TMEM132D: variants seen among roughly 807,000 people sequenced by gnomAD.
The protein encoded by TMEM132D is mature OL transmembrane protein.
TMEM132D carries 21 observed loss-of-function variants against 62.3 expected under a neutral mutation model. That is an observed-to-expected ratio of 0.34 (90% CI 0.24 to 0.49). The LOEUF (loss-of-function observed/expected upper bound fraction) is 0.49, where lower values mean the gene tolerates loss of function less well. Among genes scored for constraint, TMEM132D ranks in the 20% least tolerant of loss-of-function variants. TMEM132D has a pLI of 0.99. For missense variants in TMEM132D, 1,346 were observed against 1,402.8 expected (o/e 0.96, Z 0.65); for synonymous variants, 621 against 575.6 (o/e 1.08, Z -1.13).
chr12:129,165,912 C>T (rs909331074), intron 5 of TMEM132D, among the ~76,000 whole-genome samples: 1 of 152,218 alleles, frequency 6.6e-6, no homozygotes, highest in Non-Finnish European at 1.5e-5. Context: ...ATAATAGTGG[C>T]TATTCACGTG....
intron 3 of TMEM132D, among the ~76,000 whole-genome samples, chr12:129,355,398 C>T (rs1032079242): frequency 2.7e-5 from 4 of 147,730 alleles, no homozygotes; most frequent in African/African-American, 5.0e-5. Flanking sequence ...TGGGTGCCAG[C>T]GCCTGTGTGA....
At chr12:129,463,809 A>C (rs1221608917) in intron 3 of TMEM132D, among the ~76,000 whole-genome samples, 10 of 152,080 alleles carry the variant, frequency 6.6e-5, no homozygotes, top group Admixed American at 1.3e-4. Context: ...TAAACTCATC[A>C]TTTTTTATGG....
chr12:129,104,240 T>A (rs867825592), intron 5 of TMEM132D, among the ~76,000 whole-genome samples: 2 of 151,452 alleles, frequency 1.3e-5, no homozygotes, highest in Admixed American at 1.3e-4. Flanking sequence ...TAACGCCGCA[T>A]ATCTACAACT....
At chr12:129,202,887 C>T (rs766493317) in intron 5 of TMEM132D, among the ~76,000 whole-genome samples, 7 of 152,136 alleles carry the variant, frequency 4.6e-5, no homozygotes, top group Non-Finnish European at 1.0e-4. Flanking sequence ...TTAGGCTAAA[C>T]GTTACACTAG....
chr12:129,214,241 T>C (rs1024942605), intron 4 of TMEM132D, among the ~76,000 whole-genome samples: 10 of 151,102 alleles, frequency 6.6e-5, no homozygotes, highest in Admixed American at 6.6e-5. Flanking sequence ...AGTGGTCTGA[T>C]GGATTGGAAC....
intron 4 of TMEM132D, among the ~76,000 whole-genome samples, chr12:129,221,116 G>A (rs188223612): frequency 3.9e-4 from 60 of 152,312 alleles, no homozygotes; most frequent in Non-Finnish European, 6.9e-4. Context: ...CCACTAAAAT[G>A]TACGGGTCAA....
intron 3 of TMEM132D, among the ~76,000 whole-genome samples, chr12:129,349,245 G>A (rs956258263): frequency 7.2e-5 from 11 of 152,172 alleles, no homozygotes; most frequent in African/African-American, 2.4e-4. Context: ...CTTGAAGTAT[G>A]CCAGACTTTG....
chr12:129,569,674 T>A (rs971909247), intron 2 of TMEM132D, among the ~76,000 whole-genome samples: 1 of 152,136 alleles, frequency 6.6e-6, no homozygotes, highest in Non-Finnish European at 1.5e-5. Flanking sequence ...AGCGTGCCGA[T>A]TTATGTAACA....
intron 5 of TMEM132D, among the ~76,000 whole-genome samples, chr12:129,194,498 A>G (rs1193444367): frequency 6.6e-6 from 1 of 152,218 alleles, no homozygotes; most frequent in Non-Finnish European, 1.5e-5. Context: ...AGAAAAGATC[A>G]CTATTTGGCA....
At chr12:129,226,608 C>T (rs762013941) in intron 4 of TMEM132D, among the ~76,000 whole-genome samples, 1 of 152,200 alleles carries the variant, frequency 6.6e-6, no homozygotes. Context: ...TAATTGCTGC[C>T]TTATAGGAAT....
At chr12:129,094,252 G>C (rs1256440603) in intron 5 of TMEM132D, among the ~76,000 whole-genome samples, 4 of 152,194 alleles carry the variant, frequency 2.6e-5, no homozygotes, top group Non-Finnish European at 5.9e-5. Flanking sequence ...GCAACCTACA[G>C]AATGGGAGAA....
chr12:129,234,091 A>G (rs575876205), intron 4 of TMEM132D, among the ~76,000 whole-genome samples: 1 of 152,310 alleles, frequency 6.6e-6, no homozygotes, highest in South Asian at 2.1e-4. Context: ...TCTGCTTGGC[A>G]AAATATGACT....
chr12:129,634,424 T>C (rs956847093), intron 2 of TMEM132D, among the ~76,000 whole-genome samples: 4 of 148,304 alleles, frequency 2.7e-5, no homozygotes, highest in Non-Finnish European at 3.0e-5. Context: ...CAGTGAGCTG[T>C]GATTGTGCCA....
intron 5 of TMEM132D, among the ~76,000 whole-genome samples, chr12:129,162,311 A>G (rs971380754): frequency 2.0e-5 from 3 of 152,184 alleles, no homozygotes; most frequent in Non-Finnish European, 4.4e-5. Context: ...CCAGGAAGAG[A>G]GCCCTCACCA....
intron 3 of TMEM132D, among the ~76,000 whole-genome samples, chr12:129,433,983 T>G (rs905046866): frequency 3.9e-5 from 6 of 152,194 alleles, no homozygotes; most frequent in African/African-American, 1.4e-4. Context: ...ATTTGTGACT[T>G]GAGATTCAGA....
At chr12:129,293,502 T>C (rs1426761693) in intron 4 of TMEM132D, among the ~76,000 whole-genome samples, 1 of 152,180 alleles carries the variant, frequency 6.6e-6, no homozygotes, top group African/African-American at 2.4e-5. Context: ...GCATTACTTT[T>C]ATTGTGCACT....
intron 1 of TMEM132D, among the ~76,000 whole-genome samples, chr12:129,870,465 C>G (rs1398905604): frequency 6.6e-6 from 1 of 152,200 alleles, no homozygotes; most frequent in Admixed American, 6.5e-5. Flanking sequence ...AAACTCTGGA[C>G]TGCAGGCTCA....
chr12:129,539,215 G>A lies in TMEM132D; in HGVS notation c.969-8010C>T, dbSNP rs60986421. Among the ~76,000 whole-genome samples the A allele has an allele frequency of 7.4e-3, 1,116 of 149,904 alleles. 23 individuals are homozygous for A. The highest frequency in any genetic ancestry group is 0.026 in the African/African-American group (1,062 of 40,334). On this transcript the variant is annotated intron_variant, in intron 2 of 8. Transcript: ENST00000422113. ...CAGAATGGCATGCAATTTAAAACTC[G>A]TGAAATGTTTATTTCCGGATTTTTT...
rs901087503 is a variant in TMEM132D at position 129,836,776 on chromosome 12, G to A, written c.79+66485C>T. Among the ~76,000 whole-genome samples the A allele has an allele frequency of 2.0e-5, 3 of 152,058 alleles. No homozygotes were observed. In the South Asian group the frequency reaches 6.2e-4, roughly 32 times the overall value. On this transcript the variant is annotated intron_variant, in intron 1 of 8. Transcript: ENST00000422113. ...TAAAATGACTCTCTAGGTGTGTGTT[G>A]ATATTTACACACACAGCTACTAAAA...
Sources: gnomAD v4.1 joint callset for allele counts (sites outside exome capture counted in the v4.1 genomes callset) on GRCh38, gnomAD v4.1.1 for gene constraint, MANE v1.5 for transcripts, NCBI Gene and HGNC (gene_info 2026-07-23, HGNC 2026-07-21) for gene names.